Variants in TMCO5A observed in about 807,000 individuals in gnomAD.
The protein encoded by TMCO5A is transmembrane and coiled-coil domains 5A.
Under a neutral mutation model 42.3 loss-of-function variants are expected in TMCO5A, and 34 were observed. The ratio of observed to expected loss-of-function variants is 0.80; its 90% CI spans 0.61 to 1.07. The LOEUF (loss-of-function observed/expected upper bound fraction) is 1.07. Ranked by LOEUF, TMCO5A falls within the 50% of genes least tolerant of loss-of-function variation. The pLI is 0.00. For missense variants in TMCO5A, 357 were observed against 327.9 expected (o/e 1.09, Z -0.69); for synonymous variants, 131 against 115.6 (o/e 1.13, Z -0.86).
intron 5 of TMCO5A, 53 bp from the exon 6 acceptor site, chr15:37,938,105 G>C: frequency 3.4e-6 from 5 of 1,450,372 alleles, no homozygotes; most frequent in Non-Finnish European, 4.7e-6. Flanking sequence ...ACCAGAGAAA[G>C]TCTTTGCCTT....
At chr15:37,979,216 G>A in the TMCO5A span, among the ~76,000 whole-genome samples, 5,502 of 152,172 alleles carry the variant, frequency 0.036, 356 homozygotes, top group African/African-American at 0.13. Context: ...TTGCTTTTCC[G>A]TAAGGCAGCG....
chr15:38,038,293 A>ATTCCTATG, the TMCO5A span, among the ~76,000 whole-genome samples: 1 of 152,170 alleles, frequency 6.6e-6, no homozygotes. Context: ...TGATGGGACG[A>ATTCCTATG]TGGCACTGCT....
At chr15:37,941,536 A>T in intron 7 of TMCO5A, 135 bp from the exon 8 acceptor site, 1 of 736,436 alleles carries the variant, frequency 1.4e-6, no homozygotes, top group Non-Finnish European at 2.3e-6. Flanking sequence ...ATTTATCTGT[A>T]CAGCAAAAAA....
chr15:37,986,663 T>C, the TMCO5A span, among the ~76,000 whole-genome samples: 1 of 152,030 alleles, frequency 6.6e-6, no homozygotes, highest in African/African-American at 2.4e-5. Flanking sequence ...TCTATGAATT[T>C]GACTACTTTA....
downstream of TMCO5A, among the ~76,000 whole-genome samples, chr15:37,953,265 A>C (rs1401183384): frequency 6.6e-6 from 1 of 152,162 alleles, no homozygotes; most frequent in African/African-American, 2.4e-5. Context: ...GGTAAGACCC[A>C]GTGCTGTGCT....
the TMCO5A span, among the ~76,000 whole-genome samples, chr15:38,026,441 G>A: frequency 6.6e-6 from 1 of 152,298 alleles, no homozygotes; most frequent in South Asian, 2.1e-4. Flanking sequence ...TCTGGCAGAA[G>A]AAATTTCTAA....
At chr15:38,009,724 C>A in the TMCO5A span, among the ~76,000 whole-genome samples, 5 of 152,204 alleles carry the variant, frequency 3.3e-5, no homozygotes, top group Non-Finnish European at 7.3e-5. Flanking sequence ...ACTGGCTTCA[C>A]CACTAAATAG....
At chr15:38,016,697 A>C in the TMCO5A span, among the ~76,000 whole-genome samples, 2 of 152,180 alleles carry the variant, frequency 1.3e-5, no homozygotes, top group Non-Finnish European at 2.9e-5. Flanking sequence ...CTAAGTTATA[A>C]TGGAAATTAT....
chr15:38,040,302 C>T, the TMCO5A span: 1 of 152,188 alleles, frequency 6.6e-6, no homozygotes, highest in Non-Finnish European at 1.5e-5. Flanking sequence ...ACAACTTCCA[C>T]AATGGCGTCT....
the TMCO5A span, among the ~76,000 whole-genome samples, chr15:37,978,236 A>G: frequency 6.6e-6 from 1 of 152,200 alleles, no homozygotes; most frequent in Non-Finnish European, 1.5e-5. Flanking sequence ...TCCTTTCCTT[A>G]GGGTAACTGT....
chr15:37,944,863 T>C (rs192021889), intron 10 of TMCO5A, among the ~76,000 whole-genome samples: 1 of 152,180 alleles, frequency 6.6e-6, no homozygotes, highest in African/African-American at 2.4e-5. Flanking sequence ...ATCTTTAGAT[T>C]TTTTTTTCTT....
At chr15:37,965,657 G>T (rs1259562410) in intron 11 of TMCO5A, among the ~76,000 whole-genome samples, 1 of 152,030 alleles carries the variant, frequency 6.6e-6, no homozygotes, top group African/African-American at 2.4e-5. Context: ...CATGTGAAAG[G>T]TACTTGACAT....
At chr15:38,017,807 T>C in the TMCO5A span, among the ~76,000 whole-genome samples, 1 of 152,122 alleles carries the variant, frequency 6.6e-6, no homozygotes, top group African/African-American at 2.4e-5. Context: ...CCAATTGTAG[T>C]CCCTGTATGT....
chr15:37,939,398 A>T (rs1443136145), intron 6 of TMCO5A, among the ~76,000 whole-genome samples: 2 of 152,132 alleles, frequency 1.3e-5, no homozygotes, highest in African/African-American at 2.4e-5. Flanking sequence ...TCAGGAAGAA[A>T]TTGGAGCCAA....
intron 10 of TMCO5A, among the ~76,000 whole-genome samples, 168 bp from the exon 11 acceptor site, chr15:37,947,488 T>A (rs1890005477): frequency 6.6e-6 from 1 of 152,038 alleles, no homozygotes; most frequent in Non-Finnish European, 1.5e-5. Flanking sequence ...ACAATAATAA[T>A]AAACATATTT....
chr15:37,975,445 A>C, the TMCO5A span, among the ~76,000 whole-genome samples: 1 of 151,576 alleles, frequency 6.6e-6, no homozygotes, highest in Non-Finnish European at 1.5e-5. Context: ...TATATTTAGA[A>C]GAGTCAGATC....
the TMCO5A span, among the ~76,000 whole-genome samples, chr15:38,007,233 A>T: frequency 6.6e-6 from 1 of 152,204 alleles, no homozygotes; most frequent in South Asian, 2.1e-4. Context: ...ATTGAGCCAA[A>T]TGAGAGTTCA....
chr15:37,976,678 T>C, the TMCO5A span, among the ~76,000 whole-genome samples: 1 of 152,156 alleles, frequency 6.6e-6, no homozygotes, highest in Admixed American at 6.5e-5. Context: ...GATTCTTTCC[T>C]CAGCTTGGTT....
chr15:37,991,264 TACAGG>T, the TMCO5A span, among the ~76,000 whole-genome samples: 1 of 152,162 alleles, frequency 6.6e-6, no homozygotes, highest in South Asian at 2.1e-4. Flanking sequence ...CATTTCAACC[TACAGG>T]ACTCCTTTTA....
Sources: allele counts gnomAD v4.1 joint callset (sites outside exome capture counted in the v4.1 genomes callset), GRCh38; gene constraint gnomAD v4.1.1; transcripts MANE v1.5; gene names NCBI Gene and HGNC (gene_info 2026-07-23, HGNC 2026-07-21).